The following KCNQ1 variants were observed in gnomAD, a reference collection of about 807,000 sequenced individuals.
KCNQ1 encodes the protein potassium voltage-gated channel subfamily KQT member 1.
Under a neutral mutation model 72.4 loss-of-function variants are expected in KCNQ1, and 49 were observed. That is an observed-to-expected ratio of 0.68 (90% CI 0.54 to 0.86). The LOEUF is 0.86. Among genes scored for constraint, KCNQ1 ranks in the 40% least tolerant of loss-of-function variants. KCNQ1 has a pLI of 0.00. For missense variants in KCNQ1, 790 were observed against 945.1 expected (o/e 0.84, Z 2.15); for synonymous variants, 450 against 412.6 (o/e 1.09, Z -1.10).
Position 2,498,821 on chromosome 11 carries a change from A to G in KCNQ1, c.387-29107A>G, listed in dbSNP as rs756573552. 6.6e-6 allele frequency among the ~76,000 whole-genome samples: 1 copy of G among 152,260 alleles called. No homozygotes were observed. Among genetic ancestry groups the G allele is most frequent in the African/African-American group, 2.4e-5 (1 of 41,476 alleles). On this transcript the variant is annotated intron_variant, in intron 1 of 15. Transcript: ENST00000155840. The surrounding 1 kb of genome is among the most constrained non-coding windows in gnomAD (Gnocchi z 4.8). ...CCCAGGGCCCTGGTGGTATAGGCAC[A>G]TGAAGGAGTCTCCTGATCTGCAGAT...
In KCNQ1 at chr11:2,822,906, T is replaced by C. The variant is rs75344089; in HGVS notation, c.1795-24861T>C. On this transcript the variant is annotated intron_variant, in intron 15 of 15. Transcript: ENST00000155840. The stretch of plus-strand genomic sequence containing the variant: ...GAGAAGCAGAAAGAGTGCTTGGAAA[T>C]GTCAATTATGCTGCTGAATTAAAAA... Among the ~76,000 whole-genome samples the C allele has an allele frequency of 5.6e-3, 838 of 150,362 alleles. 10 individuals are homozygous for C. Among genetic ancestry groups the C allele is most frequent in the African/African-American group, 0.02 (803 of 40,572 alleles).
chr11:2,748,663 C>T lies in KCNQ1; in HGVS notation c.1515-20181C>T, dbSNP rs561948143. Among the ~76,000 whole-genome samples, 155 of 152,346 alleles carry T rather than the reference C, an allele frequency of 1.0e-3. No individual in the cohort carries two copies. The highest frequency in any genetic ancestry group is 3.4e-3 in the African/African-American group (140 of 41,584). On this transcript the variant is annotated intron_variant, in intron 11 of 15. Transcript: ENST00000155840. This position sits in a 1 kb window ranked among gnomAD's most constrained non-coding sequence, Gnocchi z 6.2. Reference sequence around the variant, plus strand: ...CAGAGCCCACAGCAGGGACTCCCCACGCCAGGCCCGGCTGGATCACAGAGC... The same window carrying T: ...CAGAGCCCACAGCAGGGACTCCCCATGCCAGGCCCGGCTGGATCACAGAGC...
rs1850657598 is a variant in KCNQ1 at position 2,695,446 on chromosome 11, T to C, written c.1514+33365T>C. 1 of 398,564 alleles carries C rather than the reference T, an allele frequency of 2.5e-6. No homozygotes were observed. The highest frequency in any genetic ancestry group is 4.4e-6 in the Non-Finnish European group (1 of 226,142). The allele number at this position is 398,564 out of a possible 1,614,324, so 24.7% of individuals were successfully genotyped here. A position where few individuals can be genotyped will look rare whatever the true frequency, so the allele number is the denominator to read the frequency against. The stretch of plus-strand genomic sequence containing the variant: ...GCCCTCTTTCTGTTTGGCATTTGTG[T>C]CACTCAGCACTGTGTTTCCACGCGT... On this transcript the variant is annotated intron_variant, in intron 11 of 15. Coordinates refer to ENST00000155840, the MANE Select transcript of KCNQ1 (RefSeq NM_000218.3). This position sits in a 1 kb window ranked among gnomAD's most constrained non-coding sequence, Gnocchi z 5.2.
At chr11:2,635,924 T>C (rs1849456900) in intron 10 of KCNQ1, 1 of 152,194 alleles carries the variant, frequency 6.6e-6, no homozygotes, top group Non-Finnish European at 1.5e-5. Context: ...GATTCCTAGG[T>C]ATTTTATTCT....
rs1299165042 is a variant in KCNQ1 at position 2,541,236 on chromosome 11, C to T, written c.477+13218C>T. 2.0e-5 allele frequency among the ~76,000 whole-genome samples: 3 copies of T among 152,346 alleles called. No individual in the cohort carries two copies. The highest frequency in any genetic ancestry group is 3.9e-4 in the East Asian group (2 of 5,168). Reference sequence around the variant, plus strand: ...TGAGAACAAAATGTCAAGTGTGTGCCGAGAGGCGCAGGCCAGCCCCTTTTC... The same window carrying T: ...TGAGAACAAAATGTCAAGTGTGTGCTGAGAGGCGCAGGCCAGCCCCTTTTC... On this transcript the variant is annotated intron_variant, in intron 2 of 15. Transcript: ENST00000155840. This position sits in a 1 kb window ranked among gnomAD's most constrained non-coding sequence, Gnocchi z 4.8.
In KCNQ1 at chr11:2,723,232, C is replaced by T. The variant is rs1408530872; in HGVS notation, c.1515-45612C>T. On this transcript the variant is annotated intron_variant, in intron 11 of 15. Coordinates refer to ENST00000155840, the MANE Select transcript of KCNQ1 (RefSeq NM_000218.3). This position sits in a 1 kb window ranked among gnomAD's most constrained non-coding sequence, Gnocchi z 4.2. The stretch of plus-strand genomic sequence containing the variant: ...CACACACCTGCCACAGCTGCTTACC[C>T]CACTCCCTGCCGCCCTGGACAAGGT... Among the ~76,000 whole-genome samples, 1 of 152,226 alleles carries T rather than the reference C, an allele frequency of 6.6e-6. No homozygotes were observed. Among genetic ancestry groups the T allele is most frequent in the African/African-American group, 2.4e-5 (1 of 41,462 alleles).
chr11:2,655,379 G>A (rs1590009996), intron 10 of KCNQ1: 1 of 398,692 alleles, frequency 2.5e-6, no homozygotes, highest in East Asian at 3.6e-5. Flanking sequence ...TTAGGAAAGT[G>A]TGACTTCATT....
rs188038167 is a variant in KCNQ1, at chr11:2,724,687, T to G, written c.1515-44157T>G. 1.6e-4 allele frequency among the ~76,000 whole-genome samples: 24 copies of G among 152,296 alleles called. No individual in the cohort carries two copies. Among genetic ancestry groups the G allele is most frequent in the Admixed American group, 1.2e-3 (18 of 15,300 alleles). The stretch of plus-strand genomic sequence containing the variant: ...TCCCCAGGAGGCGACACTGTGATTG[T>G]CCTGGGCTCACAGAGGAGGACGTGG... On this transcript the variant is annotated intron_variant, in intron 11 of 15. Transcript: ENST00000155840. The surrounding 1 kb of genome is among the most constrained non-coding windows in gnomAD (Gnocchi z 6.8).
At chr11:2,751,563 C>T (rs1317197525) in intron 11 of KCNQ1, among the ~76,000 whole-genome samples, 2 of 152,268 alleles carry the variant, frequency 1.3e-5, no homozygotes, top group Admixed American at 6.5e-5. Context: ...CTGGTGGGCA[C>T]CATCCCGGCC....
intron 2 of KCNQ1, among the ~76,000 whole-genome samples, chr11:2,546,269 C>T (rs1323607280): frequency 1.3e-5 from 2 of 152,074 alleles, no homozygotes; most frequent in Non-Finnish European, 2.9e-5. Flanking sequence ...CTTTCTGTTA[C>T]TGATGTCTAA....
rs568831336 is a variant in KCNQ1, at chr11:2,801,858, G to T, written c.1794+23821G>T. Among the ~76,000 whole-genome samples the T allele has an allele frequency of 1.2e-4, 19 of 152,354 alleles. 1 individual carries two copies. In the South Asian group the frequency reaches 3.3e-3, roughly 27 times the overall value. ...GCCAGGGAAGACCAGCAGTGACAGG[G>T]ATGGTGTCCCCGCAGCCCCTGGGTT... On this transcript the variant is annotated intron_variant, in intron 15 of 15. Transcript: ENST00000155840.
intron 1 of KCNQ1, 113 bp from the exon 2 acceptor site, chr11:2,527,815 C>G: frequency 1.1e-6 from 1 of 876,910 alleles, no homozygotes; most frequent in Admixed American, 1.8e-5. Context: ...TTTCGAAGCA[C>G]TGTCTGTTCC....
intron 11 of KCNQ1, among the ~76,000 whole-genome samples, chr11:2,700,743 G>A (rs1850793521): frequency 1.3e-5 from 2 of 152,118 alleles, no homozygotes; most frequent in Non-Finnish European, 2.9e-5. Context: ...CCCCGCGCCT[G>A]CCAGCGCCCG....
At chr11:2,804,417 C>T (rs529062029) in intron 15 of KCNQ1, among the ~76,000 whole-genome samples, 2 of 152,202 alleles carry the variant, frequency 1.3e-5, no homozygotes, top group Non-Finnish European at 2.9e-5. Context: ...AGAACCCCGC[C>T]GCCCTGGGCA....
chr11:2,697,483 A>G, intron 11 of KCNQ1: 1 of 398,606 alleles, frequency 2.5e-6, no homozygotes, highest in Non-Finnish European at 4.4e-6. Context: ...GTTTACTGAA[A>G]AGTTAAGTTT....
intron 11 of KCNQ1, among the ~76,000 whole-genome samples, chr11:2,701,874 A>G (rs1231012983): frequency 2.0e-5 from 3 of 152,126 alleles, no homozygotes; most frequent in Non-Finnish European, 4.4e-5. Flanking sequence ...TGCAAGTCTC[A>G]TTTCCCCGCC....
Position 2,447,339 on chromosome 11 carries a change from C to T in KCNQ1, c.386+1855C>T, listed in dbSNP as rs1846053707. On this transcript the variant is annotated intron_variant, in intron 1 of 15. Coordinates refer to ENST00000155840, the MANE Select transcript of KCNQ1 (RefSeq NM_000218.3). The surrounding 1 kb of genome is among the most constrained non-coding windows in gnomAD (Gnocchi z 7.6). ...AGGGGTGGCCAGGAAAGGGATGCTT[C>T]TGTGAAGTGGCCAGATCTGGGGCTG... is the stretch of plus-strand genomic sequence containing the variant. Among the ~76,000 whole-genome samples, 1 of 152,138 alleles carries T rather than the reference C, an allele frequency of 6.6e-6. No homozygotes were observed. The highest frequency in any genetic ancestry group is 6.5e-5 in the Admixed American group (1 of 15,288).
Position 2,652,021 on chromosome 11 carries a change from TC to T in KCNQ1, c.1394-9934del. The T allele has an allele frequency of 2.5e-6, 1 of 398,570 alleles. No homozygotes were observed. Among genetic ancestry groups the T allele is most frequent in the East Asian group, 3.6e-5 (1 of 28,064 alleles). The allele number at this position is 398,570 out of a possible 1,614,324, so 24.7% of individuals were successfully genotyped here. ...GTTAACATAATTTTGATGTTGAGCC[TC>T]CCCCCAGTTCTGGGGTGGCTCTGAC... On this transcript the variant is annotated intron_variant, in intron 10 of 15. Transcript: ENST00000155840. The surrounding 1 kb of genome is among the most constrained non-coding windows in gnomAD (Gnocchi z 5.9).
chr11:2,596,945 C>T (rs1011038395), intron 10 of KCNQ1, among the ~76,000 whole-genome samples: 2 of 151,592 alleles, frequency 1.3e-5, no homozygotes, highest in Admixed American at 6.6e-5. Flanking sequence ...TATTGATAAC[C>T]TAAAGAAACC....
Sources: allele counts gnomAD v4.1 joint callset (sites outside exome capture counted in the v4.1 genomes callset), GRCh38; gene constraint gnomAD v4.1.1; non-coding constraint Gnocchi (gnomAD v3.1); transcripts MANE v1.5; gene names NCBI Gene and HGNC (gene_info 2026-07-23, HGNC 2026-07-21).